Variants in CEP162 observed in about 807,000 individuals in gnomAD.
CEP162 encodes the protein centrosomal protein of 162 kDa.
CEP162 carries 141 observed loss-of-function variants against 169.2 expected under a neutral mutation model. That is an observed-to-expected ratio of 0.83 (90% CI 0.73 to 0.96). CEP162 has a LOEUF of 0.96. Ranked by LOEUF, CEP162 falls within the 40% of genes least tolerant of loss-of-function variation. The pLI is 0.00. For missense variants in CEP162, 1,600 were observed against 1,587.2 expected, an observed-to-expected ratio of 1.01 and a Z score of -0.14; for synonymous variants, 540 against 526.4, an observed-to-expected ratio of 1.03 and a Z score of -0.35.
At chr6:84,216,138 G>C (rs1227179164) in intron 3 of CEP162, among the ~76,000 whole-genome samples, 1 of 152,116 alleles carries the variant, frequency 6.6e-6, no homozygotes, top group African/African-American at 2.4e-5. Context: ...ATACTTCAAA[G>C]AGTTGCACCA....
Position 84,124,808 on chromosome 6 carries a change from T to C in CEP162, c.*262A>G. 1 of 433,792 alleles carries C rather than the reference T, an allele frequency of 2.3e-6. No homozygotes were observed. Among genetic ancestry groups the C allele is most frequent in the Non-Finnish European group, 4.0e-6 (1 of 247,810 alleles). The allele number at this position is 433,792 out of a possible 1,614,324, so 26.9% of individuals were successfully genotyped here. On this transcript the variant is annotated 3_prime_UTR_variant, in exon 27 of 27. Transcript: ENST00000403245. ...TTTTCTTTTCTTTCTATTTCTAGCA[T>C]ACAAGTGAGCCCTTCTCTGCTATAA...
At chr6:84,216,305 C>G (rs2099551525) in intron 3 of CEP162, among the ~76,000 whole-genome samples, 1 of 152,098 alleles carries the variant, frequency 6.6e-6, no homozygotes, top group African/African-American at 2.4e-5. Flanking sequence ...TGGAAATAGA[C>G]TGTGGGTGGC....
intron 25 of CEP162, among the ~76,000 whole-genome samples, chr6:84,143,977 AG>A (rs1205520171): frequency 6.6e-6 from 1 of 151,998 alleles, no homozygotes; most frequent in Non-Finnish European, 1.5e-5. Context: ...ATTTGCCTTT[AG>A]AATCTTTTAA....
intron 24 of CEP162, among the ~76,000 whole-genome samples, chr6:84,148,192 T>G (rs2099519780): frequency 6.6e-6 from 1 of 152,128 alleles, no homozygotes; most frequent in Admixed American, 6.6e-5. Context: ...TATTTTTCAT[T>G]AACGTAGTCA....
At chr6:84,133,884 G>C (rs1235001023) in intron 25 of CEP162, among the ~76,000 whole-genome samples, 1 of 152,188 alleles carries the variant, frequency 6.6e-6, no homozygotes, top group Non-Finnish European at 1.5e-5. Flanking sequence ...ACAAGCCCCA[G>C]TGAGATGAAC....
At chr6:84,176,919 G>A (rs1402214793) in intron 13 of CEP162, among the ~76,000 whole-genome samples, 2 of 150,866 alleles carry the variant, frequency 1.3e-5, no homozygotes, top group African/African-American at 4.9e-5. Context: ...ACAGAGTCTC[G>A]CTCTGTTTCC....
At chr6:84,212,549 A>C (rs1317040152) in intron 6 of CEP162, among the ~76,000 whole-genome samples, 32 of 151,928 alleles carry the variant, frequency 2.1e-4, no homozygotes, top group Non-Finnish European at 1.9e-4. Context: ...AGAATAGCTA[A>C]AAAGCCAAAA....
intron 13 of CEP162, among the ~76,000 whole-genome samples, chr6:84,177,699 C>G (rs529866318): frequency 1.3e-5 from 2 of 152,082 alleles, no homozygotes; most frequent in Non-Finnish European, 2.9e-5. Context: ...CCATGTCCAG[C>G]AAATTTTTTG....
At chr6:84,129,349 ATC>A (rs1188725258) in intron 25 of CEP162, among the ~76,000 whole-genome samples, 1 of 152,000 alleles carries the variant, frequency 6.6e-6, no homozygotes, top group African/African-American at 2.4e-5. Context: ...CCTCTCCAGC[ATC>A]TGTTTCCTGA....
chr6:84,175,406 T>A (rs1049517552), intron 13 of CEP162, 59 bp from the exon 14 acceptor site: 53 of 1,205,154 alleles, frequency 4.4e-5, no homozygotes, highest in Non-Finnish European at 5.4e-5. Flanking sequence ...TGTATACTCA[T>A]CAATTGTGTC....
intron 6 of CEP162, among the ~76,000 whole-genome samples, chr6:84,210,350 C>T (rs1355587132): frequency 6.6e-6 from 1 of 152,180 alleles, no homozygotes; most frequent in African/African-American, 2.4e-5. Context: ...GGACTTTCTC[C>T]TCTGCCATGT....
chr6:84,194,957 A>G lies in CEP162; in HGVS notation c.954T>C (p.Asp318=). The change falls in exon 10 of 27, where the codon GAT becomes GAC. Residue 318 remains aspartate (D), a synonymous_variant. Transcript: ENST00000403245. ...KQKIESNTVE[D]IKSSVKGHPQ... Reference sequence around the variant, plus strand: ...GATGACCTTTCACTGAGCTCTTGATATCTTCCACTGTGTTACTCTCAATTT... The same window carrying G: ...GATGACCTTTCACTGAGCTCTTGATGTCTTCCACTGTGTTACTCTCAATTT... The G allele has an allele frequency of 6.2e-7, 1 of 1,613,608 alleles. No individual in the cohort carries two copies. The highest frequency in any genetic ancestry group is 8.5e-7 in the Non-Finnish European group (1 of 1,179,736).
intron 11 of CEP162, 53 bp downstream of exon 11, chr6:84,193,556 A>G (rs1247544429): frequency 1.5e-5 from 16 of 1,089,446 alleles, no homozygotes; most frequent in Non-Finnish European, 1.8e-5. Context: ...ATTACATAGA[A>G]CAAATGACTA....
intron 13 of CEP162, among the ~76,000 whole-genome samples, chr6:84,179,749 T>C (rs1030150841): frequency 5.9e-5 from 9 of 152,208 alleles, no homozygotes; most frequent in African/African-American, 1.9e-4. Context: ...CTAGAAGAAA[T>C]GGATAAATTC....
chr6:84,159,263 G>C (rs1030608448), intron 21 of CEP162, among the ~76,000 whole-genome samples: 4 of 150,808 alleles, frequency 2.7e-5, no homozygotes, highest in Non-Finnish European at 5.9e-5. Context: ...ATGATGAACT[G>C]TTTAATAAAA....
chr6:84,128,838 C>T (rs181092206), intron 25 of CEP162, among the ~76,000 whole-genome samples: 9 of 151,974 alleles, frequency 5.9e-5, no homozygotes, highest in Non-Finnish European at 1.2e-4. Flanking sequence ...GCTATCCCTC[C>T]CCTAACCCCC....
At position 84,216,755 on chromosome 6, in the gene CEP162, G is replaced by C. The variant is rs141091516; in HGVS notation, c.173-833C>G. Among the ~76,000 whole-genome samples, 1,176 of 152,240 alleles carry C rather than the reference G, an allele frequency of 7.7e-3. 14 individuals carry two copies. The highest frequency in any genetic ancestry group is 0.027 in the African/African-American group (1,124 of 41,550). On this transcript the variant is annotated intron_variant, in intron 3 of 26. Transcript: ENST00000403245. The stretch of plus-strand genomic sequence containing the variant: ...TGGAGAGAATTGATATGCTGTTGGA[G>C]ATTTGTTTCAGTATAATCCTGAGTG...
intron 11 of CEP162, 150 bp from the exon 12 acceptor site, chr6:84,186,773 A>G: frequency 1.6e-6 from 1 of 639,926 alleles, no homozygotes; most frequent in Non-Finnish European, 2.5e-6. Context: ...ATACAGTATA[A>G]TTTTGATTAA....
chr6:84,170,693 G>A (rs529834287), intron 17 of CEP162, among the ~76,000 whole-genome samples: 8 of 152,260 alleles, frequency 5.3e-5, no homozygotes, highest in African/African-American at 1.9e-4. Context: ...GAGTGATTAG[G>A]TGTTTACATA....
Sources: gnomAD v4.1 joint callset for allele counts (sites outside exome capture counted in the v4.1 genomes callset) on GRCh38, gnomAD v4.1.1 for gene constraint, MANE v1.5 for transcripts, NCBI Gene and HGNC (gene_info 2026-07-23, HGNC 2026-07-21) for gene names.